Variants in CD1B observed in about 807,000 individuals in gnomAD.
CD1B encodes CD1b molecule, also known as T-cell surface glycoprotein CD1b.
Under a neutral mutation model 39.8 loss-of-function variants are expected in CD1B, and 43 were observed. The observed-to-expected ratio is 1.08, with a 90% CI of 0.85 to 1.39. The LOEUF (loss-of-function observed/expected upper bound fraction) is 1.39. CD1B is among the 40% of genes most tolerant of loss of function. The pLI is 0.00. For missense variants in CD1B, 495 were observed against 403.8 expected (o/e 1.23, Z -1.94); for synonymous variants, 192 against 152.5 (o/e 1.26, Z -1.91).
chr1:158,328,273 G>T lies in CD1B; in HGVS notation c.981-16C>A, dbSNP rs375655085. 1 of 1,603,436 alleles carries T rather than the reference G, an allele frequency of 6.2e-7. No individual in the cohort carries two copies. The highest frequency in any genetic ancestry group is 8.5e-7 in the Non-Finnish European group (1 of 1,171,166). On this transcript the variant is annotated splice_polypyrimidine_tract_variant and intron_variant, in intron 5 of 5. Transcript: ENST00000368168. ...CTGATATGACCTGTTAAAAACAGAA[G>T]AACAAAAGAGCTCCACATAAAAGAT...
the CD1B span, among the ~76,000 whole-genome samples, chr1:158,303,439 G>T: frequency 6.6e-6 from 1 of 152,238 alleles, no homozygotes; most frequent in Admixed American, 6.5e-5. Flanking sequence ...AGAGCAATCA[G>T]GGAAGAGAAA....
chr1:158,299,646 T>C, the CD1B span, among the ~76,000 whole-genome samples: 1 of 152,238 alleles, frequency 6.6e-6, no homozygotes, highest in Admixed American at 6.5e-5. Context: ...GGCTATTAAT[T>C]ATTGCCTCAA....
chr1:158,286,171 C>T, the CD1B span, among the ~76,000 whole-genome samples: 1 of 152,144 alleles, frequency 6.6e-6, no homozygotes, highest in Admixed American at 6.5e-5. Context: ...AGGAAGAGCA[C>T]TGGGCTCCCT....
At chr1:158,308,158 T>C in the CD1B span, among the ~76,000 whole-genome samples, 1 of 152,156 alleles carries the variant, frequency 6.6e-6, no homozygotes, top group Non-Finnish European at 1.5e-5. Context: ...AAAGTCAATG[T>C]GCAAAAATCA....
chr1:158,320,576 C>T, the CD1B span, among the ~76,000 whole-genome samples: 2,241 of 152,100 alleles, frequency 0.015, 54 homozygotes, highest in African/African-American at 0.049. Context: ...CCTAGTGAGA[C>T]GAACCCGGTA....
At position 158,331,407 on chromosome 1, in the gene CD1B, A is replaced by G. The variant is rs1652599506; in HGVS notation, c.17T>C (p.Phe6Ser). ...AGGAAAGAGAACAGCTAACAGTTGA[A>G]ATGGCAGCAGCAGCATTTCACTGGG... is the stretch of plus-strand genomic sequence containing the variant. MLLLP[F>S]QLLAVLFPGG... Residue 6 changes from phenylalanine to serine, a missense_variant, in exon 1 of 6, where the codon TTT becomes TCT. Coordinates refer to ENST00000368168, the MANE Select transcript of CD1B (RefSeq NM_001764.3). 6.2e-7 allele frequency: 1 copy of G among 1,613,920 alleles called. No homozygotes were observed. Among genetic ancestry groups the G allele is most frequent in the Non-Finnish European group, 8.5e-7 (1 of 1,179,932 alleles).
the CD1B span, among the ~76,000 whole-genome samples, chr1:158,285,619 G>A: frequency 6.6e-6 from 1 of 152,130 alleles, no homozygotes; most frequent in Non-Finnish European, 1.5e-5. Context: ...ATGAACAGAA[G>A]CACAGGACAA....
chr1:158,300,133 A>T, the CD1B span, among the ~76,000 whole-genome samples: 13,214 of 152,126 alleles, frequency 0.087, 824 homozygotes, highest in East Asian at 0.28. Flanking sequence ...AGTGCTATAA[A>T]TTTCCCTCTA....
the CD1B span, among the ~76,000 whole-genome samples, chr1:158,302,412 A>G: frequency 6.6e-6 from 1 of 152,182 alleles, no homozygotes; most frequent in Non-Finnish European, 1.5e-5. Context: ...ACCTAAAGCT[A>G]GCAGAAGACA....
chr1:158,301,728 C>T, the CD1B span, among the ~76,000 whole-genome samples: 1 of 152,118 alleles, frequency 6.6e-6, no homozygotes, highest in African/African-American at 2.4e-5. Flanking sequence ...GTTTTTCCTT[C>T]ATTTCAACCT....
chr1:158,302,213 G>T, the CD1B span, among the ~76,000 whole-genome samples: 1 of 152,142 alleles, frequency 6.6e-6, no homozygotes, highest in Non-Finnish European at 1.5e-5. Flanking sequence ...AAACAACGAA[G>T]TCAGAAATCA....
At chr1:158,299,860 A>G in the CD1B span, among the ~76,000 whole-genome samples, 1 of 152,026 alleles carries the variant, frequency 6.6e-6, no homozygotes, top group Non-Finnish European at 1.5e-5. Flanking sequence ...TATTGTGTCT[A>G]TATGATTCTT....
the CD1B span, among the ~76,000 whole-genome samples, chr1:158,316,346 G>A: frequency 1.3e-5 from 2 of 151,848 alleles, no homozygotes; most frequent in Non-Finnish European, 1.5e-5. Flanking sequence ...GCAGTGGTTT[G>A]TAGTTCTCCT....
chr1:158,319,043 TG>T, the CD1B span, among the ~76,000 whole-genome samples: 1 of 151,970 alleles, frequency 6.6e-6, no homozygotes, highest in African/African-American at 2.4e-5. Flanking sequence ...GCTGTTAGTC[TG>T]ATGGGCTTCC....
chr1:158,326,638 C>A (rs1167667783), downstream of CD1B, among the ~76,000 whole-genome samples: 1 of 151,860 alleles, frequency 6.6e-6, no homozygotes, highest in African/African-American at 2.4e-5. Flanking sequence ...TTAAAAAAGT[C>A]TATATGTTAC....
the CD1B span, among the ~76,000 whole-genome samples, chr1:158,305,148 G>C: frequency 6.6e-6 from 1 of 152,092 alleles, no homozygotes; most frequent in Non-Finnish European, 1.5e-5. Context: ...CGAGCTAAAA[G>C]AGGAAGTTCG....
At chr1:158,324,391 T>C (rs1213150814), downstream of CD1B, among the ~76,000 whole-genome samples, 1 of 152,160 alleles carries the variant, frequency 6.6e-6, no homozygotes, top group East Asian at 1.9e-4. Context: ...AGTAGATAAT[T>C]CTTGGAGTTG....
chr1:158,302,956 C>A, the CD1B span, among the ~76,000 whole-genome samples: 3 of 152,004 alleles, frequency 2.0e-5, no homozygotes, highest in South Asian at 4.2e-4. Context: ...ATTGTGATAC[C>A]AAAACCTGGT....
chr1:158,329,239 T>C (rs532359987), intron 4 of CD1B, 131 bp downstream of exon 4: 691 of 1,212,064 alleles, frequency 5.7e-4, no homozygotes, highest in Admixed American at 9.4e-4. Flanking sequence ...CTGTTGGGAT[T>C]GGGGTCAGGG....
Sources: gnomAD v4.1 joint callset for allele counts (sites outside exome capture counted in the v4.1 genomes callset) on GRCh38, gnomAD v4.1.1 for gene constraint, MANE v1.5 for transcripts, NCBI Gene and HGNC (gene_info 2026-07-23, HGNC 2026-07-21) for gene names.